ZNF804B: variants seen among roughly 807,000 people sequenced by gnomAD.
The protein encoded by ZNF804B is zinc finger protein 804B, also known as zinc finger 804B.
ZNF804B carries 80 observed loss-of-function variants against 101.4 expected under a neutral mutation model. That is an observed-to-expected ratio of 0.79 (90% CI 0.66 to 0.95). The LOEUF (loss-of-function observed/expected upper bound fraction) is 0.95. ZNF804B is among the 40% of genes least tolerant of loss of function. The pLI, the probability that ZNF804B is intolerant of heterozygous loss-of-function variation, is 0.00. For synonymous variants in ZNF804B, 622 were observed against 558.8 expected (o/e 1.11, Z -1.59); for missense variants, 1,673 against 1,561.9 (o/e 1.07, Z -1.20).
intron 1 of ZNF804B, among the ~76,000 whole-genome samples, chr7:88,819,855 G>C (rs986789658): frequency 3.3e-5 from 5 of 152,054 alleles, no homozygotes; most frequent in African/African-American, 1.2e-4. Context: ...ATTTATTGAA[G>C]ATTCCTCAAA....
At chr7:89,313,052 G>A (rs1790667705) in intron 2 of ZNF804B, among the ~76,000 whole-genome samples, 1 of 152,150 alleles carries the variant, frequency 6.6e-6, no homozygotes, top group African/African-American at 2.4e-5. Flanking sequence ...GCTACTGCTT[G>A]ATTTCAGAAC....
At chr7:88,776,780 A>ACCCCC (rs10707553) in intron 1 of ZNF804B, among the ~76,000 whole-genome samples, 20 of 83,480 alleles carry the variant, frequency 2.4e-4, no homozygotes, top group East Asian at 3.9e-4. Context: ...TAACCCATAA[A>ACCCCC]CCCCCCCCCC....
At chr7:88,943,253 C>T (rs918543498) in intron 1 of ZNF804B, among the ~76,000 whole-genome samples, 12 of 151,898 alleles carry the variant, frequency 7.9e-5, no homozygotes, top group African/African-American at 2.7e-4. Context: ...ACAGTTTCCA[C>T]TGGAGCTTGT....
intron 1 of ZNF804B, among the ~76,000 whole-genome samples, chr7:88,955,583 C>G (rs1793293317): frequency 6.6e-6 from 1 of 151,566 alleles, no homozygotes; most frequent in Non-Finnish European, 1.5e-5. Flanking sequence ...CTACCCAAAT[C>G]TTTAGTAAAA....
rs545948156 is a variant in ZNF804B, at chr7:89,153,232, T to C, written c.109-64923T>C. On this transcript the variant is annotated intron_variant, in intron 1 of 3. Transcript: ENST00000333190. The stretch of plus-strand genomic sequence containing the variant: ...AATCATGAGGAAAAATGACTTGAGT[T>C]CCAGATTTGAAACCAACAGAGGTCA... 1.5e-4 allele frequency among the ~76,000 whole-genome samples: 22 copies of C among 151,654 alleles called. No individual in the cohort carries two copies. The South Asian group carries it at 4.2e-3, about 29-fold the overall frequency.
At chr7:88,860,822 T>A (rs187846177) in intron 1 of ZNF804B, among the ~76,000 whole-genome samples, 143 of 152,198 alleles carry the variant, frequency 9.4e-4, no homozygotes, top group African/African-American at 3.2e-3. Flanking sequence ...CCAGAAAAAA[T>A]TTTGGTCTGT....
chr7:88,832,727 C>A (rs3915196), intron 1 of ZNF804B, among the ~76,000 whole-genome samples: 70,101 of 151,700 alleles, frequency 0.46, 17,182 homozygotes, highest in East Asian at 0.81. Flanking sequence ...CTGTTGCTGA[C>A]TTCAGTCATT....
chr7:88,800,188 C>T (rs1396777164), intron 1 of ZNF804B, among the ~76,000 whole-genome samples: 1 of 151,790 alleles, frequency 6.6e-6, no homozygotes, highest in African/African-American at 2.4e-5. Flanking sequence ...ATTGAGTAGA[C>T]AAAAAATATA....
At chr7:88,904,108 C>T (rs1792431935) in intron 1 of ZNF804B, among the ~76,000 whole-genome samples, 1 of 152,056 alleles carries the variant, frequency 6.6e-6, no homozygotes, top group African/African-American at 2.4e-5. Flanking sequence ...ATCTTTAATC[C>T]ATCTTGACTT....
chr7:88,852,831 G>C (rs1374340168), intron 1 of ZNF804B, among the ~76,000 whole-genome samples: 2 of 152,054 alleles, frequency 1.3e-5, no homozygotes, highest in African/African-American at 2.4e-5. Flanking sequence ...CAGGCAGCCT[G>C]ACTCCAAGGT....
intron 1 of ZNF804B, among the ~76,000 whole-genome samples, chr7:88,834,108 A>G (rs1374755381): frequency 6.6e-6 from 1 of 151,846 alleles, no homozygotes; most frequent in Non-Finnish European, 1.5e-5. Flanking sequence ...GGTTATAATC[A>G]GAAAGAATTA....
At chr7:88,808,155 G>T (rs1247085824) in intron 1 of ZNF804B, among the ~76,000 whole-genome samples, 2 of 152,096 alleles carry the variant, frequency 1.3e-5, no homozygotes, top group East Asian at 3.9e-4. Flanking sequence ...ACTTTAGGAG[G>T]CTGAGGCGGG....
intron 1 of ZNF804B, among the ~76,000 whole-genome samples, chr7:89,156,019 CCTTT>C (rs58720640): frequency 0.078 from 9,485 of 121,480 alleles, 401 homozygotes; most frequent in Middle Eastern, 0.13. Context: ...TTCTCTCTTT[CCTTT>C]CTTTCTTTCT....
intron 1 of ZNF804B, among the ~76,000 whole-genome samples, chr7:89,188,847 G>A (rs1788413816): frequency 6.6e-6 from 1 of 152,068 alleles, no homozygotes; most frequent in Non-Finnish European, 1.5e-5. Flanking sequence ...AGCTAGGAGA[G>A]GGTAGTTCAT....
At chr7:89,197,349 C>T (rs1788571905) in intron 1 of ZNF804B, among the ~76,000 whole-genome samples, 1 of 151,818 alleles carries the variant, frequency 6.6e-6, no homozygotes, top group African/African-American at 2.4e-5. Context: ...TATGCGTTGC[C>T]ACAAAAATCT....
chr7:88,842,944 T>TC (rs892340157), intron 1 of ZNF804B, among the ~76,000 whole-genome samples: 1 of 152,164 alleles, frequency 6.6e-6, no homozygotes, highest in African/African-American at 2.4e-5. Flanking sequence ...AAAATACATC[T>TC]CTAATTGAAA....
Position 88,974,759 on chromosome 7 carries a change from C to T in ZNF804B, c.108+214675C>T, listed in dbSNP as rs547815912. ...ATCACAGGAGGGTAAATTGGGTATC[C>T]ATCACCTCAAATATTTACCATTTCT... is the stretch of plus-strand genomic sequence containing the variant. On this transcript the variant is annotated intron_variant, in intron 1 of 3. Transcript: ENST00000333190. Among the ~76,000 whole-genome samples, 4 of 151,288 alleles carry T rather than the reference C, an allele frequency of 2.6e-5. No homozygotes were observed. The South Asian group carries it at 6.2e-4, about 24-fold the overall frequency.
chr7:88,949,244 T>C (rs984482246), intron 1 of ZNF804B, among the ~76,000 whole-genome samples: 1 of 151,828 alleles, frequency 6.6e-6, no homozygotes, highest in African/African-American at 2.4e-5. Flanking sequence ...CAATTGACCA[T>C]TTGCGCTTGA....
At chr7:89,159,948 A>C (rs10238524) in intron 1 of ZNF804B, among the ~76,000 whole-genome samples, 8,827 of 152,164 alleles carry the variant, frequency 0.058, 830 homozygotes, top group African/African-American at 0.2. Flanking sequence ...GTCCACTCAC[A>C]CTAATATGTG....
Sources: allele counts gnomAD v4.1 joint callset (sites outside exome capture counted in the v4.1 genomes callset), GRCh38; gene constraint gnomAD v4.1.1; transcripts MANE v1.5; gene names NCBI Gene and HGNC (gene_info 2026-07-23, HGNC 2026-07-21).